SLC15A2: variants seen among roughly 807,000 people sequenced by gnomAD.
The protein encoded by SLC15A2 is kidney H(+)/peptide cotransporter.
SLC15A2 carries 77 observed loss-of-function variants against 95.5 expected under a neutral mutation model. The ratio of observed to expected loss-of-function variants is 0.81; its 90% CI spans 0.67 to 0.97. The LOEUF (loss-of-function observed/expected upper bound fraction) is 0.97, where lower values mean the gene tolerates loss of function less well. SLC15A2 is among the 50% of genes least tolerant of loss of function. The probability of loss-of-function intolerance (pLI) is 0.00; values close to 1 mark genes in which losing one functional copy is unlikely to be tolerated. For synonymous variants in SLC15A2, 306 were observed against 306.9 expected (o/e 1.00, Z 0.03); for missense variants, 893 against 874.4 (o/e 1.02, Z -0.27).
In SLC15A2 at chr3:121,941,112, T is replaced by G; in HGVS notation, c.*105T>G. On this transcript the variant is annotated 3_prime_UTR_variant, in exon 22 of 22. Coordinates refer to ENST00000489711, the MANE Select transcript of SLC15A2 (RefSeq NM_021082.4). ...AGAGATAGCAGCATATCAGAGCTGA[T>G]CTCCTCCACCTTTCTCCAATGACAG... 1 of 1,011,466 alleles carries G rather than the reference T, an allele frequency of 9.9e-7. No individual in the cohort carries two copies. The highest frequency in any genetic ancestry group is 1.8e-5 in the South Asian group (1 of 56,066). 62.7% of individuals were successfully genotyped at this position (1,011,466 alleles called of 1,614,324 possible). A position where few individuals can be genotyped will look rare whatever the true frequency, so the allele number is the denominator to read the frequency against.
intron 2 of SLC15A2, 87 bp from the exon 3 acceptor site, chr3:121,897,301 C>T: frequency 6.6e-7 from 1 of 1,508,080 alleles, no homozygotes; most frequent in South Asian, 1.2e-5. Context: ...TTATAAAGAC[C>T]AGAGATTAAA....
chr3:121,934,125 T>A (rs1356378040), intron 19 of SLC15A2, among the ~76,000 whole-genome samples: 1 of 152,192 alleles, frequency 6.6e-6, no homozygotes, highest in Admixed American at 6.5e-5. Flanking sequence ...GATCTATATC[T>A]CTGTTTTGGT....
At chr3:121,928,648 TG>T (rs1710169649) in intron 15 of SLC15A2, 93 bp downstream of exon 15, 2 of 1,353,020 alleles carry the variant, frequency 1.5e-6, no homozygotes, top group African/African-American at 2.9e-5. Context: ...CATCTTCCCA[TG>T]TCTTTAGATA....
chr3:121,936,692 C>A (rs1710355230), intron 19 of SLC15A2, among the ~76,000 whole-genome samples: 1 of 151,064 alleles, frequency 6.6e-6, no homozygotes, highest in African/African-American at 2.4e-5. Context: ...GAATACAGCA[C>A]ACTGATGGGT....
chr3:121,916,987 AT>A (rs555401725), intron 7 of SLC15A2, among the ~76,000 whole-genome samples: 6 of 151,876 alleles, frequency 4.0e-5, no homozygotes, highest in East Asian at 1.9e-4. Flanking sequence ...TGCCTGGCTA[AT>A]TTTTTGTATT....
intron 19 of SLC15A2, among the ~76,000 whole-genome samples, chr3:121,938,303 C>T (rs1351583585): frequency 6.6e-6 from 1 of 152,270 alleles, no homozygotes; most frequent in Non-Finnish European, 1.5e-5. Context: ...CCAGTTGGAG[C>T]TTCTCGGCTG....
At chr3:121,934,871 G>A in intron 19 of SLC15A2, among the ~76,000 whole-genome samples, 1 of 151,616 alleles carries the variant, frequency 6.6e-6, no homozygotes, top group South Asian at 2.1e-4. Context: ...TCCAGTTTTT[G>A]CCCATTCAGT....
intron 3 of SLC15A2, among the ~76,000 whole-genome samples, chr3:121,906,749 C>G (rs1476943365): frequency 6.6e-6 from 1 of 152,134 alleles, no homozygotes; most frequent in Admixed American, 6.5e-5. Context: ...GATGGGCTTC[C>G]CTTTGTGGGT....
At chr3:121,914,238 CA>C (rs998943063) in intron 5 of SLC15A2, among the ~76,000 whole-genome samples, 1 of 152,074 alleles carries the variant, frequency 6.6e-6, no homozygotes, top group Non-Finnish European at 1.5e-5. Flanking sequence ...GGAGAGGAAA[CA>C]AAACACACTA....
intron 4 of SLC15A2, 128 bp from the exon 5 acceptor site, chr3:121,912,893 C>A: frequency 1.5e-6 from 1 of 645,250 alleles, no homozygotes; most frequent in Admixed American, 2.3e-5. Context: ...TGGAAAGTAC[C>A]CATGGGGTAG....
chr3:121,915,139 G>T, intron 5 of SLC15A2, 88 bp from the exon 6 acceptor site: 1 of 1,169,372 alleles, frequency 8.6e-7, no homozygotes, highest in Non-Finnish European at 1.2e-6. Flanking sequence ...CTTTCTCTTT[G>T]TGTGTACCTT....
Position 121,942,483 on chromosome 3 carries a change from C to A in SLC15A2, c.*1476C>A, listed in dbSNP as rs1710479923. On this transcript the variant is annotated 3_prime_UTR_variant, in exon 22 of 22. Coordinates refer to ENST00000489711, the MANE Select transcript of SLC15A2 (RefSeq NM_021082.4). ...GTTAACAGGCACCTGTTAATATTAA[C>A]AGATAATGTTACTGTTAACAGGTAA... 1 of 152,150 alleles carries A rather than the reference C, an allele frequency of 6.6e-6. No individual in the cohort carries two copies. The highest frequency in any genetic ancestry group is 2.1e-4 in the South Asian group (1 of 4,828). The allele number at this position is 152,150 out of a possible 1,614,324, so 9.4% of individuals were successfully genotyped here.
intron 19 of SLC15A2, among the ~76,000 whole-genome samples, chr3:121,938,511 G>A (rs1051178540): frequency 6.6e-6 from 1 of 152,206 alleles, no homozygotes; most frequent in Admixed American, 6.5e-5. Flanking sequence ...TATTCCGGTG[G>A]GAGTGACCCG....
intron 3 of SLC15A2, among the ~76,000 whole-genome samples, chr3:121,906,762 C>T (rs1709655045): frequency 6.6e-6 from 1 of 152,154 alleles, no homozygotes; most frequent in African/African-American, 2.4e-5. Flanking sequence ...TTGTGGGTAA[C>T]CCGACCTTTC....
At chr3:121,903,929 A>G (rs1709574912) in intron 3 of SLC15A2, among the ~76,000 whole-genome samples, 2 of 152,178 alleles carry the variant, frequency 1.3e-5, no homozygotes, top group African/African-American at 4.8e-5. Flanking sequence ...GAATCTATAA[A>G]TTACCTTGGG....
intron 19 of SLC15A2, among the ~76,000 whole-genome samples, chr3:121,934,605 A>G (rs963825590): frequency 6.6e-6 from 1 of 151,206 alleles, no homozygotes; most frequent in Non-Finnish European, 1.5e-5. Flanking sequence ...ATTTTTGTAC[A>G]TTGATTTTGT....
Position 121,939,514 on chromosome 3 carries a change from A to T in SLC15A2, c.1908+19A>T. 1 of 1,478,298 alleles carries T rather than the reference A, an allele frequency of 6.8e-7. No homozygotes were observed. Among genetic ancestry groups the T allele is most frequent in the Non-Finnish European group, 9.0e-7 (1 of 1,112,310 alleles). 91.6% of individuals were successfully genotyped at this position (1,478,298 alleles called of 1,614,324 possible). ...TTCTCAGGTAAGTTTTTGCAAATAGAAGGTAGAAATTGAGGCATTGCTTGA... is the reference window on the plus strand; with the variant it reads ...TTCTCAGGTAAGTTTTTGCAAATAGTAGGTAGAAATTGAGGCATTGCTTGA... On this transcript the variant is annotated intron_variant, in intron 20 of 21. Coordinates refer to ENST00000489711, the MANE Select transcript of SLC15A2 (RefSeq NM_021082.4).
intron 11 of SLC15A2, 133 bp downstream of exon 11, chr3:121,923,399 C>T (rs2293614): frequency 0.45 from 352,437 of 791,108 alleles, 81,962 homozygotes; most frequent in East Asian, 0.72. Context: ...CTGAAGGTAC[C>T]GTGTAGGCAA....
At chr3:121,915,200 A>C (rs376991099) in intron 5 of SLC15A2, 27 bp from the exon 6 acceptor site, 12 of 1,549,354 alleles carry the variant, frequency 7.7e-6, no homozygotes, top group Non-Finnish European at 1.1e-5. Flanking sequence ...GACACATTGC[A>C]CTGATGATTT....
Sources: gnomAD v4.1 joint callset for allele counts (sites outside exome capture counted in the v4.1 genomes callset) on GRCh38, gnomAD v4.1.1 for gene constraint, MANE v1.5 for transcripts, NCBI Gene and HGNC (gene_info 2026-07-23, HGNC 2026-07-21) for gene names.